Variants in BLTP3B observed in about 807,000 individuals in gnomAD.
The protein encoded by BLTP3B is UHRF1 (ICBP90) binding protein 1-like.
At chr12:100,098,274 T>A in the BLTP3B span, 1 of 1,435,146 alleles carries the variant, frequency 7.0e-7, no homozygotes. Context: ...AAGGCAACCA[T>A]GAGATGTGAT....
At chr12:100,087,711 C>T in the BLTP3B span, among the ~76,000 whole-genome samples, 6 of 152,180 alleles carry the variant, frequency 3.9e-5, no homozygotes, top group African/African-American at 7.2e-5. Flanking sequence ...ATAGTGATTA[C>T]AGACCTGTAC....
chr12:100,051,907 C>T, the BLTP3B span: 1 of 152,200 alleles, frequency 6.6e-6, no homozygotes, highest in African/African-American at 2.4e-5. Context: ...ATTAGCCAGA[C>T]GTAGTGGCAC....
At chr12:100,071,830 T>C in the BLTP3B span, among the ~76,000 whole-genome samples, 1 of 152,240 alleles carries the variant, frequency 6.6e-6, no homozygotes, top group Admixed American at 6.5e-5. Flanking sequence ...AATGAAGTTA[T>C]ATAGCTGACA....
the BLTP3B span, among the ~76,000 whole-genome samples, chr12:100,141,128 T>C: frequency 6.6e-6 from 1 of 151,962 alleles, no homozygotes; most frequent in Non-Finnish European, 1.5e-5. Context: ...AATAAGATAG[T>C]TCAAGATTGG....
chr12:100,098,747 A>C, the BLTP3B span, among the ~76,000 whole-genome samples: 1 of 151,588 alleles, frequency 6.6e-6, no homozygotes, highest in Non-Finnish European at 1.5e-5. Flanking sequence ...ACTAAAAAAA[A>C]AAACACAAAA....
the BLTP3B span, among the ~76,000 whole-genome samples, chr12:100,123,274 T>C: frequency 6.6e-6 from 1 of 152,320 alleles, no homozygotes; most frequent in South Asian, 2.1e-4. Context: ...ACAAAGATCT[T>C]TGCCCTATAG....
chr12:100,141,419 G>A, the BLTP3B span, among the ~76,000 whole-genome samples: 1 of 143,208 alleles, frequency 7.0e-6, no homozygotes, highest in African/African-American at 2.7e-5. Flanking sequence ...ATATGTATAT[G>A]TATATATGTA....
chr12:100,097,967 A>T, the BLTP3B span, among the ~76,000 whole-genome samples: 2 of 152,184 alleles, frequency 1.3e-5, no homozygotes, highest in African/African-American at 4.8e-5. Context: ...GTAATCTCAG[A>T]GCACTATGGG....
the BLTP3B span, among the ~76,000 whole-genome samples, chr12:100,085,755 C>T: frequency 6.6e-6 from 1 of 151,390 alleles, no homozygotes; most frequent in African/African-American, 2.4e-5. Context: ...AATAATCATA[C>T]TTTTTTTTTC....
chr12:100,116,893 G>A, the BLTP3B span, among the ~76,000 whole-genome samples: 1 of 152,186 alleles, frequency 6.6e-6, no homozygotes, highest in Non-Finnish European at 1.5e-5. Flanking sequence ...TAGCAATGTT[G>A]CAGGATATAA....
At chr12:100,075,172 C>A in the BLTP3B span, among the ~76,000 whole-genome samples, 3 of 152,012 alleles carry the variant, frequency 2.0e-5, no homozygotes, top group Non-Finnish European at 2.9e-5. Context: ...CCACCACGCC[C>A]AGCTAAGTTT....
chr12:100,126,205 A>C, the BLTP3B span, among the ~76,000 whole-genome samples: 2 of 152,244 alleles, frequency 1.3e-5, no homozygotes, highest in African/African-American at 4.8e-5. Flanking sequence ...AATAAGGCAG[A>C]GAGAAGGACA....
chr12:100,137,205 T>C, the BLTP3B span, among the ~76,000 whole-genome samples: 976 of 152,306 alleles, frequency 6.4e-3, 10 homozygotes, highest in African/African-American at 0.022. Context: ...CTTCCAATTA[T>C]CTCATTCCTT....
At chr12:100,107,246 C>A in the BLTP3B span, among the ~76,000 whole-genome samples, 1 of 144,060 alleles carries the variant, frequency 6.9e-6, no homozygotes, top group East Asian at 2.1e-4. Flanking sequence ...CAAGACGGTG[C>A]CACTGCACTC....
chr12:100,049,757 A>T, the BLTP3B span, among the ~76,000 whole-genome samples: 4 of 152,218 alleles, frequency 2.6e-5, no homozygotes, highest in Non-Finnish European at 5.9e-5. Flanking sequence ...GAAAAACAAG[A>T]GTGAACTTGC....
chr12:100,059,733 A>G, the BLTP3B span: 1 of 1,205,090 alleles, frequency 8.3e-7, no homozygotes, highest in Admixed American at 2.9e-5. Flanking sequence ...CACTAAGAAG[A>G]GAATCTTTTT....
the BLTP3B span, among the ~76,000 whole-genome samples, chr12:100,089,465 C>T: frequency 6.6e-6 from 1 of 152,172 alleles, no homozygotes; most frequent in East Asian, 1.9e-4. Context: ...GAGGCTGAGG[C>T]AGGAGAATCA....
the BLTP3B span, among the ~76,000 whole-genome samples, chr12:100,065,149 A>G: frequency 6.6e-6 from 1 of 152,318 alleles, no homozygotes; most frequent in East Asian, 1.9e-4. Flanking sequence ...TAATATTCTT[A>G]TAATTTTTTA....
the BLTP3B span, among the ~76,000 whole-genome samples, chr12:100,052,967 G>A: frequency 1.3e-5 from 2 of 150,898 alleles, no homozygotes; most frequent in East Asian, 4.0e-4. Context: ...CTAATTTTTT[G>A]TATTTTTAGT....
Sources: allele counts gnomAD v4.1 joint callset (sites outside exome capture counted in the v4.1 genomes callset), GRCh38; gene constraint gnomAD v4.1.1; transcripts MANE v1.5; gene names NCBI Gene and HGNC (gene_info 2026-07-23, HGNC 2026-07-21).